Variants in ATRNL1 observed in about 807,000 individuals in gnomAD.
The protein encoded by ATRNL1 is attractin like 1.
ATRNL1 carries 95 observed loss-of-function variants against 182.7 expected under a neutral mutation model. The ratio of observed to expected loss-of-function variants is 0.52; its 90% confidence interval spans 0.44 to 0.62. The LOEUF (loss-of-function observed/expected upper bound fraction) is 0.62, where lower values mean the gene tolerates loss of function less well. Among genes scored for constraint, ATRNL1 ranks in the 20% least tolerant of loss-of-function variants. The pLI, the probability that ATRNL1 is intolerant of heterozygous loss-of-function variation, is 0.00. For missense variants in ATRNL1, 1,471 were observed against 1,679.5 expected (o/e 0.88, Z 2.17); for synonymous variants, 576 against 568.3 (o/e 1.01, Z -0.19).
intron 27 of ATRNL1, among the ~76,000 whole-genome samples, chr10:115,840,956 AT>A (rs1555096914): frequency 6.6e-6 from 1 of 152,106 alleles, no homozygotes; most frequent in Non-Finnish European, 1.5e-5. Flanking sequence ...GATGTTCTTA[AT>A]TTTGAAACTC....
intron 6 of ATRNL1, among the ~76,000 whole-genome samples, chr10:115,163,817 G>A (rs1241580833): frequency 2.0e-5 from 3 of 152,184 alleles, no homozygotes; most frequent in African/African-American, 7.2e-5. Context: ...TGTGTTGGCT[G>A]CAGATACTGG....
intron 26 of ATRNL1, among the ~76,000 whole-genome samples, chr10:115,716,657 T>G (rs954511953): frequency 2.6e-5 from 4 of 152,146 alleles, no homozygotes; most frequent in Admixed American, 6.5e-5. Context: ...GAGAGATTGA[T>G]CTGAGCTTTG....
At chr10:115,382,171 G>C (rs1858052515) in intron 19 of ATRNL1, among the ~76,000 whole-genome samples, 3 of 152,116 alleles carry the variant, frequency 2.0e-5, no homozygotes, top group Admixed American at 1.3e-4. Context: ...TGTTTTGGCT[G>C]TTTGAGACTC....
intron 28 of ATRNL1, among the ~76,000 whole-genome samples, chr10:115,930,504 A>G (rs1953362940): frequency 1.3e-5 from 2 of 152,182 alleles, no homozygotes; most frequent in South Asian, 4.1e-4. Context: ...TCAGCCACCT[A>G]CAATTCAACT....
At chr10:115,580,220 A>C (rs1345032796) in intron 26 of ATRNL1, among the ~76,000 whole-genome samples, 2 of 151,982 alleles carry the variant, frequency 1.3e-5, no homozygotes, top group African/African-American at 4.8e-5. Context: ...GTGTTCATTC[A>C]TGTTGCTGTT....
chr10:115,859,472 C>T (rs1474298220), intron 28 of ATRNL1, among the ~76,000 whole-genome samples: 2 of 152,076 alleles, frequency 1.3e-5, no homozygotes, highest in African/African-American at 2.4e-5. Context: ...ACAATTCTGC[C>T]ACACAGAGCC....
intron 17 of ATRNL1, among the ~76,000 whole-genome samples, chr10:115,313,914 C>T (rs1488662065): frequency 6.6e-6 from 1 of 152,100 alleles, no homozygotes; most frequent in Non-Finnish European, 1.5e-5. Flanking sequence ...ACCCAATATA[C>T]TTTTGAAAAC....
At chr10:115,168,267 T>C (rs1847136078) in intron 7 of ATRNL1, among the ~76,000 whole-genome samples, 1 of 152,172 alleles carries the variant, frequency 6.6e-6, no homozygotes, top group South Asian at 2.1e-4. Flanking sequence ...TTGGCTATTA[T>C]GAATAATGCT....
intron 3 of ATRNL1, among the ~76,000 whole-genome samples, chr10:115,123,209 C>G (rs1280527701): frequency 2.0e-5 from 3 of 152,172 alleles, no homozygotes; most frequent in African/African-American, 7.2e-5. Context: ...ATGGAAAACT[C>G]ATGTTTATTG....
At chr10:115,848,416 C>T (rs1364770021) in intron 28 of ATRNL1, among the ~76,000 whole-genome samples, 1 of 152,070 alleles carries the variant, frequency 6.6e-6, no homozygotes, top group Non-Finnish European at 1.5e-5. Flanking sequence ...AACTAGGGAA[C>T]GTGTATGTTT....
chr10:115,681,360 C>T (rs934225111), intron 26 of ATRNL1, among the ~76,000 whole-genome samples: 15 of 152,024 alleles, frequency 9.9e-5, no homozygotes, highest in East Asian at 3.9e-4. Flanking sequence ...AAGACTTTTA[C>T]GTGTGTTATC....
rs1592433267 is a variant in ATRNL1 at position 115,315,490 on chromosome 10, C to T, written c.2819-28C>T. On this transcript the variant is annotated intron_variant, in intron 17 of 28. Coordinates refer to ENST00000355044, the MANE Select transcript of ATRNL1 (RefSeq NM_207303.4). ...CTGTTTGAATATATAGTCATGTTAA[C>T]ATATTTGTCAATGTTCCTGTCACGC... is the stretch of plus-strand genomic sequence containing the variant. 3.4e-6 allele frequency: 5 copies of T among 1,490,160 alleles called. No individual in the cohort carries two copies. In the East Asian group the frequency reaches 9.1e-5, roughly 27 times the overall value. The allele number at this position is 1,490,160 out of a possible 1,614,324, so 92.3% of individuals were successfully genotyped here. A position where few individuals can be genotyped will look rare whatever the true frequency, so the allele number is the denominator to read the frequency against.
chr10:115,376,290 A>G (rs1857667120), intron 19 of ATRNL1, among the ~76,000 whole-genome samples: 1 of 147,792 alleles, frequency 6.8e-6, no homozygotes, highest in Non-Finnish European at 1.5e-5. Flanking sequence ...CTTTGACTTT[A>G]TTTATTTATT....
intron 26 of ATRNL1, among the ~76,000 whole-genome samples, chr10:115,557,510 T>A (rs564392330): frequency 6.6e-6 from 1 of 151,944 alleles, no homozygotes; most frequent in South Asian, 2.1e-4. Context: ...AACAGAGTTA[T>A]CAGTTGTCTA....
chr10:115,350,521 A>C (rs566423458), intron 19 of ATRNL1, among the ~76,000 whole-genome samples: 1 of 152,072 alleles, frequency 6.6e-6, no homozygotes, highest in South Asian at 2.1e-4. Flanking sequence ...AGCACCATTT[A>C]TTGAGAGACT....
chr10:115,459,003 A>G (rs1847666005), intron 21 of ATRNL1, among the ~76,000 whole-genome samples: 2 of 152,158 alleles, frequency 1.3e-5, no homozygotes, highest in Non-Finnish European at 2.9e-5. Context: ...CCAAATTAAT[A>G]CTTTTGTAAT....
At chr10:115,597,588 T>G (rs1856328487) in intron 26 of ATRNL1, 1 of 277,802 alleles carries the variant, frequency 3.6e-6, no homozygotes. Context: ...TTTTTTTTTT[T>G]GGAGACAGAG....
chr10:115,497,224 C>A (rs1849592193), intron 24 of ATRNL1, among the ~76,000 whole-genome samples: 1 of 152,114 alleles, frequency 6.6e-6, no homozygotes, highest in Non-Finnish European at 1.5e-5. Context: ...CAGTTTGGTT[C>A]TTTCTTATAA....
At chr10:115,418,156 A>G (rs1402768984) in intron 20 of ATRNL1, among the ~76,000 whole-genome samples, 1 of 152,220 alleles carries the variant, frequency 6.6e-6, no homozygotes, top group Non-Finnish European at 1.5e-5. Context: ...AGAAAGTTCA[A>G]TAAATTTACT....
Sources: gnomAD v4.1 joint callset for allele counts (sites outside exome capture counted in the v4.1 genomes callset) on GRCh38, gnomAD v4.1.1 for gene constraint, MANE v1.5 for transcripts, NCBI Gene and HGNC (gene_info 2026-07-23, HGNC 2026-07-21) for gene names.